Variants in PUM3 observed in about 807,000 individuals in gnomAD.
PUM3 encodes pumilio RNA binding family member 3.
In PUM3, 91 loss-of-function variants were observed where a neutral mutation model predicts 84.0. That is an observed-to-expected ratio of 1.08 (90% CI 0.91 to 1.29). The LOEUF (loss-of-function observed/expected upper bound fraction) is 1.29, where lower values mean the gene tolerates loss of function less well. Among genes scored for constraint, PUM3 ranks in the 50% most tolerant of loss-of-function variants. PUM3 has a pLI of 0.00. For missense variants in PUM3, 1,067 were observed against 767.5 expected (o/e 1.39, Z -4.61); for synonymous variants, 321 against 266.7 (o/e 1.20, Z -1.98).
chr9:2,833,744 G>T (rs911393659), intron 4 of PUM3, among the ~76,000 whole-genome samples: 2 of 152,132 alleles, frequency 1.3e-5, no homozygotes, highest in Admixed American at 6.5e-5. Flanking sequence ...AAATCTAGCT[G>T]ATAAGAAATT....
intron 15 of PUM3, among the ~76,000 whole-genome samples, chr9:2,811,109 G>A (rs1307505579): frequency 1.3e-5 from 2 of 152,120 alleles, no homozygotes; most frequent in East Asian, 1.9e-4. Flanking sequence ...AAGCACCTTG[G>A]GCACTCAATA....
rs561593439 is a variant in PUM3 at position 2,831,170 on chromosome 9, C to T, written c.610+81G>A. On this transcript the variant is annotated intron_variant, in intron 6 of 17. Transcript: ENST00000397885. Reference sequence around the variant, plus strand: ...GACAAACCTAAACAAAAATTGTTTTCTAGGACAGTCTTGGGTATTTTAAGA... The same window carrying T: ...GACAAACCTAAACAAAAATTGTTTTTTAGGACAGTCTTGGGTATTTTAAGA... 1.1e-4 allele frequency: 125 copies of T among 1,130,828 alleles called. 1 individual carries two copies. The South Asian group carries it at 1.6e-3, about 15-fold the overall frequency. 70.0% of individuals were successfully genotyped at this position (1,130,828 alleles called of 1,614,324 possible). A position where few individuals can be genotyped will look rare whatever the true frequency, so the allele number is the denominator to read the frequency against.
In PUM3 at chr9:2,827,191, T is replaced by G. The variant is rs374202715; in HGVS notation, c.957-40A>C. On this transcript the variant is annotated intron_variant, in intron 9 of 17. Coordinates refer to ENST00000397885, the MANE Select transcript of PUM3 (RefSeq NM_014878.5). Reference sequence around the variant, plus strand: ...AAAAAGCAAAAAGACACAACAGATCTGGCACTACAGTCATACAAAGACAGG... The same window carrying G: ...AAAAAGCAAAAAGACACAACAGATCGGGCACTACAGTCATACAAAGACAGG... 8.9e-5 allele frequency: 128 copies of G among 1,430,184 alleles called. No individual in the cohort carries two copies. The African/African-American group carries it at 1.8e-3, about 20-fold the overall frequency. 88.6% of individuals were successfully genotyped at this position (1,430,184 alleles called of 1,614,324 possible).
chr9:2,836,929 G>A (rs536294514), intron 3 of PUM3, among the ~76,000 whole-genome samples: 21 of 152,282 alleles, frequency 1.4e-4, no homozygotes, highest in African/African-American at 4.8e-4. Flanking sequence ...AGGTTCCACT[G>A]TATAAAGCCA....
At position 2,824,793 on chromosome 9, in the gene PUM3, T is replaced by A. The variant is rs775898601; in HGVS notation, c.1058A>T (p.Glu353Val). The change falls in exon 11 of 18, where the codon GAA (glutamate) becomes GTA (valine). Residue 353 changes from glutamate to valine, a missense_variant. Coordinates refer to ENST00000397885, the MANE Select transcript of PUM3 (RefSeq NM_014878.5). ...TGTGTGTGCCAGGTAGACCACCGCT[T>A]CGCGGATGGCTTCAATCATTTCCTA... ...LRSEMIEAIR[E>V]AVVYLAHTHD... 3.2e-6 allele frequency: 5 copies of A among 1,575,816 alleles called. No individual in the cohort carries two copies. The highest frequency in any genetic ancestry group is 4.3e-6 in the Non-Finnish European group (5 of 1,155,544).
At position 2,812,211 on chromosome 9, in the gene PUM3, T is replaced by C. The variant is rs12001683; in HGVS notation, c.1412+9A>G. 3.6e-3 allele frequency: 5,787 copies of C among 1,612,130 alleles called. 200 individuals are homozygous for C. The African/African-American group carries it at 0.066, about 18-fold the overall frequency. On this transcript the variant is annotated intron_variant, in intron 14 of 17. Transcript: ENST00000397885. The stretch of plus-strand genomic sequence containing the variant: ...AATAAAGAAGTCAAGCCATTCTACT[T>C]GGTTTTACCTGTGTGCATTTCCATC...
At chr9:2,829,460 T>C (rs1815913399) in intron 8 of PUM3, among the ~76,000 whole-genome samples, 1 of 152,192 alleles carries the variant, frequency 6.6e-6, no homozygotes, top group Admixed American at 6.5e-5. Flanking sequence ...TCACACAACT[T>C]TGCTAACTAT....
At chr9:2,804,853 A>C (rs1285229513) in intron 17 of PUM3, among the ~76,000 whole-genome samples, 1 of 152,186 alleles carries the variant, frequency 6.6e-6, no homozygotes, top group Non-Finnish European at 1.5e-5. Context: ...TTATTTCATG[A>C]TGCTACATTT....
rs1181032926 is a variant in PUM3 at position 2,808,336 on chromosome 9, C to G, written c.1724-432G>C. On this transcript the variant is annotated intron_variant, in intron 16 of 17. Transcript: ENST00000397885. The stretch of plus-strand genomic sequence containing the variant: ...CTCACAAGGTGCCATGAACATAACA[C>G]AGTGTTCACGTGTTCAACAGTGGTT... Among the ~76,000 whole-genome samples, 2 of 152,206 alleles carry G rather than the reference C, an allele frequency of 1.3e-5. 1 individual carries two copies. Among genetic ancestry groups the G allele is most frequent in the East Asian group, 3.8e-4 (2 of 5,198 alleles).
intron 17 of PUM3, among the ~76,000 whole-genome samples, chr9:2,806,865 T>C (rs931006601): frequency 6.6e-6 from 1 of 152,190 alleles, no homozygotes; most frequent in Non-Finnish European, 1.5e-5. Context: ...TTAGGCATGA[T>C]TTAAAAGTCA....
chr9:2,811,083 C>A (rs1236099370), intron 15 of PUM3, among the ~76,000 whole-genome samples: 3 of 152,210 alleles, frequency 2.0e-5, no homozygotes, highest in Non-Finnish European at 4.4e-5. Flanking sequence ...TTCTCTTCCC[C>A]AATCGCAGGT....
Position 2,804,430 on chromosome 9 carries a change from G to T in PUM3, c.1848C>A (p.Asn616Lys), listed in dbSNP as rs1231053511. Residue 616 changes from asparagine (N) to lysine (K), a missense_variant, in exon 18 of 18, where the codon AAC becomes AAA. Asn to Lys is a moderately conservative substitution (Grantham distance 94). Coordinates refer to ENST00000397885, the MANE Select transcript of PUM3 (RefSeq NM_014878.5). The part of the protein sequence containing the change: ...LLQSCDLEVA[N>K]KVKAALKSLI... The stretch of plus-strand genomic sequence containing the variant: ...AGCTTTTCAGTGCAGCTTTGACTTT[G>T]TTTGCAACTTCCAGGTCACAACTCT... 3 of 1,613,620 alleles carry T rather than the reference G, an allele frequency of 1.9e-6. No homozygotes were observed. In the African/African-American group the frequency reaches 4.0e-5, roughly 22 times the overall value.
chr9:2,838,650 A>G, intron 1 of PUM3, 133 bp from the exon 2 acceptor site: 1 of 590,708 alleles, frequency 1.7e-6, no homozygotes, highest in Non-Finnish European at 3.0e-6. Context: ...TATAGAATGG[A>G]CAAGTACTTA....
chr9:2,804,426 C>T lies in PUM3; in HGVS notation c.1852G>A (p.Val618Ile). The change falls in exon 18 of 18, where the codon GTC becomes ATC. Residue 618 changes from valine (V) to isoleucine (I), a missense_variant. Physicochemically the swap from Val to Ile is conservative, Grantham distance 29. Transcript: ENST00000397885. ...QSCDLEVANK[V>I]KAALKSLIPT... is the part of the protein sequence containing the mutation. The stretch of plus-strand genomic sequence containing the variant: ...ATCAAGCTTTTCAGTGCAGCTTTGA[C>T]TTTGTTTGCAACTTCCAGGTCACAA... The T allele has an allele frequency of 6.2e-7, 1 of 1,613,886 alleles. No individual in the cohort carries two copies. The highest frequency in any genetic ancestry group is 8.5e-7 in the Non-Finnish European group (1 of 1,179,906).
intron 11 of PUM3, 94 bp downstream of exon 11, chr9:2,824,623 G>C (rs756819894): frequency 2.8e-5 from 20 of 723,840 alleles, no homozygotes; most frequent in South Asian, 4.5e-5. Flanking sequence ...AAGACCAAAG[G>C]GGGTTAAAAG....
chr9:2,808,512 C>G (rs986617442), intron 16 of PUM3, among the ~76,000 whole-genome samples: 3 of 152,148 alleles, frequency 2.0e-5, no homozygotes, highest in Non-Finnish European at 4.4e-5. Context: ...AATGCTTGGA[C>G]AAAGGAGAAA....
intron 5 of PUM3, among the ~76,000 whole-genome samples, chr9:2,832,109 A>T (rs898039435): frequency 1.3e-5 from 2 of 152,194 alleles, no homozygotes; most frequent in Non-Finnish European, 2.9e-5. Context: ...CTGAATTCCA[A>T]CAAATCAGGT....
At chr9:2,836,258 C>T (rs1361937643) in intron 3 of PUM3, among the ~76,000 whole-genome samples, 1 of 152,104 alleles carries the variant, frequency 6.6e-6, no homozygotes, top group Admixed American at 6.5e-5. Context: ...CCCCAGTGGT[C>T]TCAGCTGGCA....
chr9:2,811,078 T>C (rs548905036), intron 15 of PUM3, among the ~76,000 whole-genome samples: 19 of 152,316 alleles, frequency 1.2e-4, no homozygotes, highest in South Asian at 1.2e-3. Context: ...CCCACTTCTC[T>C]TCCCCAATCG....
Sources: allele counts gnomAD v4.1 joint callset (sites outside exome capture counted in the v4.1 genomes callset), GRCh38; gene constraint gnomAD v4.1.1; transcripts MANE v1.5; gene names NCBI Gene and HGNC (gene_info 2026-07-23, HGNC 2026-07-21).